The following SLC6A2 variants were observed in gnomAD, a reference collection of about 807,000 sequenced individuals.
SLC6A2 encodes the protein solute carrier family 6 member 2.
In SLC6A2, 26 loss-of-function variants were observed where a neutral mutation model predicts 71.7. The ratio of observed to expected loss-of-function variants is 0.36; its 90% CI spans 0.27 to 0.50. The LOEUF is 0.50. Among genes scored for constraint, SLC6A2 ranks in the 20% least tolerant of loss-of-function variants. The pLI, the probability that SLC6A2 is intolerant of heterozygous loss-of-function variation, is 0.96. For synonymous variants in SLC6A2, 363 were observed against 337.9 expected, an observed-to-expected ratio of 1.07 and a Z score of -0.82; for missense variants, 581 against 803.9, an observed-to-expected ratio of 0.72 and a Z score of 3.35.
At chr16:55,673,607 G>A (rs528652202) in intron 4 of SLC6A2, among the ~76,000 whole-genome samples, 8 of 151,930 alleles carry the variant, frequency 5.3e-5, no homozygotes, top group East Asian at 3.9e-4. Flanking sequence ...TGTTGCCCAC[G>A]CTGGAGTGCA....
At chr16:55,673,225 G>A (rs1305166373) in intron 4 of SLC6A2, among the ~76,000 whole-genome samples, 1 of 152,172 alleles carries the variant, frequency 6.6e-6, no homozygotes, top group African/African-American at 2.4e-5. Context: ...TATGCATTTT[G>A]GCGTGATTAC....
At chr16:55,686,952 G>C (rs1965470731) in intron 5 of SLC6A2, among the ~76,000 whole-genome samples, 1 of 152,198 alleles carries the variant, frequency 6.6e-6, no homozygotes, top group South Asian at 2.1e-4. Context: ...TTTGAATTTA[G>C]TTCAAAATAT....
chr16:55,683,461 A>T (rs1319957353), intron 4 of SLC6A2, among the ~76,000 whole-genome samples: 2 of 152,022 alleles, frequency 1.3e-5, no homozygotes, highest in Non-Finnish European at 2.9e-5. Flanking sequence ...AAAATACAAA[A>T]ATTTAGCCGA....
intron 6 of SLC6A2, among the ~76,000 whole-genome samples, chr16:55,693,446 G>T (rs1323984289): frequency 2.6e-5 from 4 of 152,182 alleles, no homozygotes; most frequent in Admixed American, 2.6e-4. Context: ...TGAGGAAACA[G>T]ACAGAGAGAA....
intron 9 of SLC6A2, among the ~76,000 whole-genome samples, 188 bp from the exon 10 acceptor site, chr16:55,697,709 A>C (rs1965841785): frequency 7.0e-6 from 1 of 141,876 alleles, no homozygotes; most frequent in Non-Finnish European, 1.6e-5. Context: ...CTGAGTTCTG[A>C]GTTTGCCTGA....
At position 55,702,824 on chromosome 16, in the gene SLC6A2, AC is replaced by A. The variant is rs1966017913; in HGVS notation, c.*479del. 9.8e-7 allele frequency: 1 copy of A among 1,021,384 alleles called. No individual in the cohort carries two copies. Among genetic ancestry groups the A allele is most frequent in the Non-Finnish European group, 1.2e-6 (1 of 851,860 alleles). 63.3% of individuals were successfully genotyped at this position (1,021,384 alleles called of 1,614,324 possible). ...GTTTAGTGGGGTGGTTGGGGAAGGT[AC>A]ATAGACCCTCCTCTTGCCCACCCTA... On this transcript the variant is annotated 3_prime_UTR_variant, in exon 15 of 15. Transcript: ENST00000568943.
intron 2 of SLC6A2, among the ~76,000 whole-genome samples, chr16:55,665,506 T>C (rs1228813472): frequency 1.3e-5 from 2 of 152,174 alleles, no homozygotes; most frequent in African/African-American, 4.8e-5. Context: ...TTGGCACTTC[T>C]TGCATATATC....
At chr16:55,678,433 A>T (rs1474799042) in intron 4 of SLC6A2, among the ~76,000 whole-genome samples, 3 of 151,320 alleles carry the variant, frequency 2.0e-5, no homozygotes, top group East Asian at 2.0e-4. Flanking sequence ...GAAATAGAAA[A>T]TTTTTTCTCT....
rs1965997764 is a variant in SLC6A2, at chr16:55,702,335, C to A, written c.1843C>A (p.Leu615Met). Residue 615 changes from leucine (L) to methionine (M), a missense_variant, in exon 15 of 15, where the codon CTG becomes ATG. Leu to Met is a conservative substitution (Grantham distance 15, BLOSUM62 2). Coordinates refer to ENST00000568943, the MANE Select transcript of SLC6A2 (RefSeq NM_001172501.3). ...DIRQFQLQHWLAI is the reference protein window; with the variant it reads ...DIRQFQLQHWMAI ...TCTTTCTCTGCAGTTGCAACACTGG[C>A]TGGCCATCTGAGCCTGCCTGGAGGA... 1 of 1,614,090 alleles carries A rather than the reference C, an allele frequency of 6.2e-7. No individual in the cohort carries two copies.
chr16:55,685,382 G>A (rs1369652723), intron 5 of SLC6A2, 101 bp downstream of exon 5: 2 of 1,294,528 alleles, frequency 1.5e-6, no homozygotes, highest in Non-Finnish European at 2.2e-6. Context: ...AAAAAAGATG[G>A]AGCTGGAAGT....
At chr16:55,691,032 G>C (rs1965601393) in intron 5 of SLC6A2, among the ~76,000 whole-genome samples, 1 of 152,078 alleles carries the variant, frequency 6.6e-6, no homozygotes, top group South Asian at 2.1e-4. Flanking sequence ...AATGGTCAGA[G>C]GTTCTGCTTT....
chr16:55,698,368 G>A (rs1444065955), intron 10 of SLC6A2, 101 bp from the exon 11 acceptor site: 16 of 863,846 alleles, frequency 1.9e-5, no homozygotes, highest in Non-Finnish European at 2.6e-5. Flanking sequence ...ATAGAGCTCC[G>A]AGCAAGTGGG....
At chr16:55,690,580 G>A (rs1167027642) in intron 5 of SLC6A2, among the ~76,000 whole-genome samples, 1 of 152,126 alleles carries the variant, frequency 6.6e-6, no homozygotes, top group Non-Finnish European at 1.5e-5. Context: ...TCCTCCTTGA[G>A]TCTGACTACC....
intron 4 of SLC6A2, among the ~76,000 whole-genome samples, chr16:55,682,255 G>T (rs1056164501): frequency 6.6e-6 from 1 of 152,160 alleles, no homozygotes; most frequent in Non-Finnish European, 1.5e-5. Flanking sequence ...CTAGTTGAGC[G>T]CAAATGCCTA....
At chr16:55,686,725 A>T (rs1965464092) in intron 5 of SLC6A2, among the ~76,000 whole-genome samples, 1 of 152,170 alleles carries the variant, frequency 6.6e-6, no homozygotes, top group Non-Finnish European at 1.5e-5. Context: ...CTGGAGAGAG[A>T]ACTTCCTATC....
chr16:55,659,926 C>G (rs1348530805), intron 2 of SLC6A2, among the ~76,000 whole-genome samples: 6 of 152,160 alleles, frequency 3.9e-5, no homozygotes, highest in Admixed American at 2.6e-4. Context: ...TTGTGGGGAC[C>G]AAACATAATA....
chr16:55,680,330 T>C (rs1470246592), intron 4 of SLC6A2, among the ~76,000 whole-genome samples: 1 of 152,086 alleles, frequency 6.6e-6, no homozygotes, highest in Non-Finnish European at 1.5e-5. Flanking sequence ...ATGATATAGA[T>C]CTCATATGAG....
rs1290804941 is a variant in SLC6A2 at position 55,695,281 on chromosome 16, T to C, written c.1026T>C (p.Asp342=). ...CTCACTGTGCTTCTTCCCCCAGGGA[T>C]GCCCTGCTGACCAGCAGCATCAACT... ...YNKFDNNCYR[D]ALLTSSINCI... is the part of the protein sequence containing the mutation. Residue 342 remains aspartate, a synonymous_variant, in exon 8 of 15, where the codon GAT becomes GAC. Coordinates refer to ENST00000568943, the MANE Select transcript of SLC6A2 (RefSeq NM_001172501.3). 1 of 1,614,166 alleles carries C rather than the reference T, an allele frequency of 6.2e-7. No individual in the cohort carries two copies. The highest frequency in any genetic ancestry group is 8.5e-7 in the Non-Finnish European group (1 of 1,180,014).
intron 9 of SLC6A2, 50 bp downstream of exon 9, chr16:55,696,387 C>T (rs1221252679): frequency 9.1e-7 from 1 of 1,101,720 alleles, no homozygotes; most frequent in South Asian, 1.2e-5. Flanking sequence ...TGGGCCTGAC[C>T]CCCTTCCCCA....
Sources: allele counts gnomAD v4.1 joint callset (sites outside exome capture counted in the v4.1 genomes callset), GRCh38; gene constraint gnomAD v4.1.1; transcripts MANE v1.5; gene names NCBI Gene and HGNC (gene_info 2026-07-23, HGNC 2026-07-21).